The following ADGRF3 variants were observed in gnomAD, a reference collection of about 807,000 sequenced individuals.
ADGRF3 encodes the protein G protein-coupled receptor 113.
Under a neutral mutation model 93.2 loss-of-function variants are expected in ADGRF3, and 85 were observed. That is an observed-to-expected ratio of 0.91 (90% CI 0.77 to 1.09). The LOEUF (loss-of-function observed/expected upper bound fraction) is 1.09. ADGRF3 is among the 50% of genes least tolerant of loss of function. The pLI, the probability that ADGRF3 is intolerant of heterozygous loss-of-function variation, is 0.00. For missense variants in ADGRF3, 1,125 were observed against 1,246.2 expected, an observed-to-expected ratio of 0.90 and a Z score of 1.46; for synonymous variants, 534 against 532.5, an observed-to-expected ratio of 1.00 and a Z score of -0.04.
At chr2:26,337,256 G>T (rs1417570889) in intron 1 of ADGRF3, among the ~76,000 whole-genome samples, 1 of 152,226 alleles carries the variant, frequency 6.6e-6, no homozygotes, top group Non-Finnish European at 1.5e-5. Context: ...GATTTGCTTT[G>T]TCTGGCAGAA....
At chr2:26,326,968 C>T (rs1163173786) in intron 1 of ADGRF3, among the ~76,000 whole-genome samples, 1 of 152,210 alleles carries the variant, frequency 6.6e-6, no homozygotes, top group African/African-American at 2.4e-5. Flanking sequence ...TGGGGTTTCA[C>T]CATGTGGGCC....
At chr2:26,330,340 ATCT>A (rs2147910546) in intron 1 of ADGRF3, among the ~76,000 whole-genome samples, 1 of 152,300 alleles carries the variant, frequency 6.6e-6, no homozygotes, top group African/African-American at 2.4e-5. Context: ...GTCTGGGGTC[ATCT>A]TCTTGTCCTC....
rs1460602509 is a variant in ADGRF3, at chr2:26,314,500, G to C, written c.842C>G (p.Thr281Ser). 4 of 1,613,960 alleles carry C rather than the reference G, an allele frequency of 2.5e-6. No individual in the cohort carries two copies. The highest frequency in any genetic ancestry group is 3.4e-6 in the Non-Finnish European group (4 of 1,179,908). The change falls in exon 6 of 14, where the codon ACC becomes AGC. Residue 281 changes from threonine (T) to serine (S), a missense_variant. By Grantham distance (58) the Thr-to-Ser change is moderately conservative. Coordinates refer to ENST00000651242, the MANE Select transcript of ADGRF3 (RefSeq NM_001321971.2). ...GCAGCTCAGCTGGAAGCCAGGGGAG[G>C]TGGCACAGGAGATGGACAGCTGGTA... ...LPYQLSISCA[T>S]SPGFQLSCCI...
At chr2:26,333,572 G>A (rs1675879772) in intron 1 of ADGRF3, among the ~76,000 whole-genome samples, 1 of 151,070 alleles carries the variant, frequency 6.6e-6, no homozygotes, top group Admixed American at 6.6e-5. Context: ...ACAGGGCAGA[G>A]AACAAATATG....
intron 1 of ADGRF3, among the ~76,000 whole-genome samples, chr2:26,344,830 G>T (rs1393526215): frequency 6.6e-6 from 1 of 152,136 alleles, no homozygotes; most frequent in Non-Finnish European, 1.5e-5. Flanking sequence ...CTGTCTCAGG[G>T]GGCGGGGAGA....
At chr2:26,318,721 G>C (rs1214053268) in intron 1 of ADGRF3, 1 of 570,784 alleles carries the variant, frequency 1.8e-6, no homozygotes, top group East Asian at 3.0e-5. Context: ...AAGTACAGCA[G>C]GTATCATATG....
At chr2:26,317,684 G>T in intron 1 of ADGRF3, 122 bp from the exon 2 acceptor site, 1 of 890,006 alleles carries the variant, frequency 1.1e-6, no homozygotes, top group Non-Finnish European at 1.8e-6. Flanking sequence ...CAGGAGTCAA[G>T]TGTACACATC....
chr2:26,311,997 G>A lies in ADGRF3; in HGVS notation c.1527C>T (p.Pro509=). 1 of 1,613,344 alleles carries A rather than the reference G, an allele frequency of 6.2e-7. No homozygotes were observed. Among genetic ancestry groups the A allele is most frequent in the South Asian group, 1.1e-5 (1 of 91,066 alleles). Residue 509 remains proline (P), a synonymous_variant, in exon 10 of 14, where the codon CCC becomes CCT. Transcript: ENST00000651242. ...CCAGCAGGAGAGTCGAGCCTGCCCA[G>A]GGCTTCCGGGCTTGGGCCAGGGTCC... ...SLWTLAQARK[P]WAGSTLLLAV... is the part of the protein sequence containing the mutation.
intron 13 of ADGRF3, 108 bp from the exon 14 acceptor site, chr2:26,309,215 T>A: frequency 6.2e-7 from 1 of 1,611,954 alleles, no homozygotes; most frequent in Non-Finnish European, 8.5e-7. Flanking sequence ...AAGGCGTGAC[T>A]CTCATGATAA....
At chr2:26,328,843 A>G (rs1301531192) in intron 1 of ADGRF3, among the ~76,000 whole-genome samples, 1 of 152,048 alleles carries the variant, frequency 6.6e-6, no homozygotes, top group African/African-American at 2.4e-5. Context: ...ATTTCTATTG[A>G]TCTATCTTCA....
chr2:26,316,516 C>G, intron 3 of ADGRF3, 68 bp from the exon 4 acceptor site: 2 of 1,467,688 alleles, frequency 1.4e-6, no homozygotes, highest in Non-Finnish European at 1.8e-6. Flanking sequence ...GGGCAGACAC[C>G]TGCCTGATGC....
At chr2:26,319,618 T>TTCCTTCCTTCCTTC (rs1558391141) in intron 1 of ADGRF3, among the ~76,000 whole-genome samples, 23 of 48,746 alleles carry the variant, frequency 4.7e-4, no homozygotes, top group Non-Finnish European at 6.8e-4. Context: ...TTCCTTCCTT[T>TTCCTTCCTTCCTTC]CTTTCTTTGT....
At chr2:26,332,944 T>A (rs1271578440) in intron 1 of ADGRF3, among the ~76,000 whole-genome samples, 2 of 152,092 alleles carry the variant, frequency 1.3e-5, no homozygotes, top group African/African-American at 4.8e-5. Flanking sequence ...AAGAAAGTTT[T>A]AAATTTTGTA....
chr2:26,313,066 C>G lies in ADGRF3; in HGVS notation c.1326G>C (p.Gln442His), dbSNP rs1382291066. 6.2e-7 allele frequency: 1 copy of G among 1,613,890 alleles called. No homozygotes were observed. The highest frequency in any genetic ancestry group is 2.2e-5 in the East Asian group (1 of 44,896). Residue 442 changes from glutamine (Q) to histidine (H), a missense_variant, in exon 9 of 14, where the codon CAG (glutamine) becomes CAC (histidine). By Grantham distance (24) the Gln-to-His change is conservative. Transcript: ENST00000651242. ...PAEEVPQILAQLPGQAAEASS... is the reference protein window; with the variant it reads ...PAEEVPQILAHLPGQAAEASS... The stretch of plus-strand genomic sequence containing the variant: ...TTGCCTCTGCCGCCTGCCCTGGCAG[C>G]TGTGCCAGGATCTGTGGCACCTCCT...
chr2:26,336,722 TAAAAAAAA>T (rs57691864), intron 1 of ADGRF3, among the ~76,000 whole-genome samples: 8 of 22,082 alleles, frequency 3.6e-4, no homozygotes, highest in South Asian at 1.8e-3. Flanking sequence ...TGAGACTCCA[TAAAAAAAA>T]AAAAAAAAAA....
intron 1 of ADGRF3, among the ~76,000 whole-genome samples, chr2:26,333,943 C>T (rs963713991): frequency 6.6e-6 from 1 of 151,958 alleles, no homozygotes; most frequent in Non-Finnish European, 1.5e-5. Context: ...GTCTCAGCCT[C>T]CTGAGTACTG....
intron 1 of ADGRF3, among the ~76,000 whole-genome samples, chr2:26,344,681 A>C (rs1308805912): frequency 1.3e-5 from 2 of 152,056 alleles, no homozygotes; most frequent in East Asian, 3.9e-4. Flanking sequence ...AAATGCAAAA[A>C]ATTTAGCCGG....
At position 26,346,309 on chromosome 2, in the gene ADGRF3, GC is replaced by G; in HGVS notation, c.-76del. On this transcript the variant is annotated 5_prime_UTR_variant, in exon 1 of 14. An upstream open reading frame in the 5' UTR loses its in-frame stop. Transcript: ENST00000651242. ...TACAAGGTACCGCGGGCCGGCGGAT[GC>G]CCCTCTCCCTGCTCCCGGCCTCGCC... The G allele has an allele frequency of 6.2e-7, 1 of 1,603,392 alleles. No individual in the cohort carries two copies.
At chr2:26,321,869 A>G (rs1675167459) in intron 1 of ADGRF3, among the ~76,000 whole-genome samples, 1 of 151,662 alleles carries the variant, frequency 6.6e-6, no homozygotes, top group South Asian at 2.1e-4. Flanking sequence ...AGCTCCTCAA[A>G]AGACTGAGGC....
Sources: allele counts gnomAD v4.1 joint callset (sites outside exome capture counted in the v4.1 genomes callset), GRCh38; gene constraint gnomAD v4.1.1; transcripts MANE v1.5; gene names NCBI Gene and HGNC (gene_info 2026-07-23, HGNC 2026-07-21).